AP1S3: variants seen among roughly 807,000 people sequenced by gnomAD.
AP1S3 encodes AP-1 complex subunit sigma-3.
A neutral mutation model predicts 20.9 loss-of-function variants in AP1S3; 10 were observed. The observed-to-expected ratio is 0.48, with a 90% CI of 0.29 to 0.81. The LOEUF (loss-of-function observed/expected upper bound fraction) is 0.81. AP1S3 is among the 30% of genes least tolerant of loss of function. AP1S3 has a pLI of 0.08. For missense variants in AP1S3, 154 were observed against 183.8 expected, an observed-to-expected ratio of 0.84 and a Z score of 0.94; for synonymous variants, 41 against 61.5, an observed-to-expected ratio of 0.67 and a Z score of 1.56.
chr2:223,823,536 G>A (rs1692044646), intron 1 of AP1S3, among the ~76,000 whole-genome samples: 2 of 152,136 alleles, frequency 1.3e-5, no homozygotes, highest in East Asian at 1.9e-4. Flanking sequence ...AAAGAAAGAT[G>A]AAGTCATAGA....
intron 1 of AP1S3, among the ~76,000 whole-genome samples, chr2:223,832,807 CT>C (rs66947467): frequency 0.03 from 3,956 of 129,870 alleles, 71 homozygotes; most frequent in African/African-American, 0.054. Flanking sequence ...TTTCTTTTTT[CT>C]TTTTTTTTTT....
intron 1 of AP1S3, among the ~76,000 whole-genome samples, chr2:223,826,204 T>G (rs1325273296): frequency 6.6e-6 from 1 of 152,176 alleles, no homozygotes. Flanking sequence ...AGACTAGTCC[T>G]GTGTTGTGTT....
chr2:223,791,800 A>G (rs1342804503), intron 1 of AP1S3, among the ~76,000 whole-genome samples: 1 of 152,216 alleles, frequency 6.6e-6, no homozygotes, highest in Non-Finnish European at 1.5e-5. Flanking sequence ...CTCAGCCCAA[A>G]AGCATATTAA....
At chr2:223,820,214 G>A (rs1691954585) in intron 1 of AP1S3, among the ~76,000 whole-genome samples, 1 of 152,060 alleles carries the variant, frequency 6.6e-6, no homozygotes, top group Non-Finnish European at 1.5e-5. Flanking sequence ...ATTGATGTAA[G>A]ATAAAGGTCT....
At position 223,780,308 on chromosome 2, in the gene AP1S3, TAG is replaced by T. The variant is rs527550327; in HGVS notation, c.4-2441_4-2440del. On this transcript the variant is annotated intron_variant, in intron 1 of 4. Coordinates refer to ENST00000396654, the MANE Select transcript of AP1S3 (RefSeq NM_001039569.2). ...ATATATATATATATATATATATATATAGAGAGAGAGAGAGAGAGAGAGAGAGA... is the reference window on the plus strand; with the variant it reads ...ATATATATATATATATATATATATATAGAGAGAGAGAGAGAGAGAGAGAGA... Among the ~76,000 whole-genome samples the T allele has an allele frequency of 7.2e-3, 444 of 61,536 alleles. 9 individuals carry two copies. Among genetic ancestry groups the T allele is most frequent in the African/African-American group, 0.013 (171 of 13,242 alleles). The allele number at this position is 61,536 out of a possible 152,430, so 40.4% of individuals were successfully genotyped here.
At chr2:223,830,478 CAAAA>C (rs11359575) in intron 1 of AP1S3, among the ~76,000 whole-genome samples, 6 of 116,186 alleles carry the variant, frequency 5.2e-5, no homozygotes, top group Non-Finnish European at 3.6e-5. Flanking sequence ...GACTCTCTCT[CAAAA>C]AAAAAAAAAA....
At chr2:223,832,465 G>A (rs1481786969) in intron 1 of AP1S3, among the ~76,000 whole-genome samples, 1 of 152,134 alleles carries the variant, frequency 6.6e-6, no homozygotes, top group African/African-American at 2.4e-5. Flanking sequence ...AAGGGCCAGT[G>A]GAGGAGAGCC....
intron 1 of AP1S3, among the ~76,000 whole-genome samples, chr2:223,801,628 A>G (rs1206703756): frequency 6.6e-6 from 1 of 152,072 alleles, no homozygotes; most frequent in Non-Finnish European, 1.5e-5. Flanking sequence ...TATTTTCAGT[A>G]GAGTGGGGTT....
chr2:223,769,666 A>G (rs1169924231), intron 3 of AP1S3, among the ~76,000 whole-genome samples: 2 of 152,044 alleles, frequency 1.3e-5, no homozygotes, highest in African/African-American at 4.8e-5. Context: ...AAATATGGCA[A>G]GAGCTCTAAG....
chr2:223,813,286 A>G (rs1691775418), intron 1 of AP1S3, among the ~76,000 whole-genome samples: 2 of 152,086 alleles, frequency 1.3e-5, no homozygotes, highest in South Asian at 4.2e-4. Context: ...CAATTTTCCT[A>G]TGACTTTCAA....
intron 4 of AP1S3, among the ~76,000 whole-genome samples, chr2:223,763,435 A>T (rs1690406645): frequency 6.6e-6 from 1 of 152,142 alleles, no homozygotes; most frequent in African/African-American, 2.4e-5. Context: ...ACTCCGTTAA[A>T]AACTCTGTTT....
intron 1 of AP1S3, among the ~76,000 whole-genome samples, chr2:223,801,031 C>T (rs1340806679): frequency 1.3e-5 from 2 of 152,130 alleles, no homozygotes; most frequent in Admixed American, 6.6e-5. Flanking sequence ...AAGCTAAAAC[C>T]CCTACTGTTC....
intron 1 of AP1S3, among the ~76,000 whole-genome samples, chr2:223,781,920 T>C (rs567660831): frequency 6.6e-6 from 1 of 152,282 alleles, no homozygotes; most frequent in East Asian, 1.9e-4. Flanking sequence ...CAGTTTTCCC[T>C]GATTTTATCC....
chr2:223,831,583 G>A (rs2106042129), intron 1 of AP1S3, among the ~76,000 whole-genome samples: 1 of 152,196 alleles, frequency 6.6e-6, no homozygotes, highest in South Asian at 2.1e-4. Context: ...GAGTTTTCCT[G>A]GATACTTCAG....
At chr2:223,824,603 T>C (rs12464156) in intron 1 of AP1S3, among the ~76,000 whole-genome samples, 51,657 of 151,980 alleles carry the variant, frequency 0.34, 9,382 homozygotes, top group Middle Eastern at 0.43. Flanking sequence ...AGTGGCGCTA[T>C]CTCGGCTCAT....
intron 1 of AP1S3, among the ~76,000 whole-genome samples, chr2:223,818,355 T>C (rs1209073499): frequency 6.6e-6 from 1 of 150,804 alleles, no homozygotes; most frequent in African/African-American, 2.4e-5. Flanking sequence ...AGGCAGAGGT[T>C]GCAGTGAGCC....
intron 1 of AP1S3, among the ~76,000 whole-genome samples, chr2:223,804,146 T>C (rs767110039): frequency 2.4e-4 from 36 of 152,248 alleles, no homozygotes; most frequent in Admixed American, 1.1e-3. Flanking sequence ...AACCTCCCAA[T>C]TGATGGCTAG....
intron 1 of AP1S3, among the ~76,000 whole-genome samples, chr2:223,783,854 A>G (rs1306712343): frequency 6.6e-6 from 1 of 152,164 alleles, no homozygotes; most frequent in Non-Finnish European, 1.5e-5. Context: ...TGATTGGCCC[A>G]TGGTTCTGAA....
intron 3 of AP1S3, among the ~76,000 whole-genome samples, chr2:223,774,223 G>A (rs1574692570): frequency 6.6e-6 from 1 of 152,102 alleles, no homozygotes; most frequent in African/African-American, 2.4e-5. Flanking sequence ...AAATGAGCCG[G>A]GCATGGTGGC....
Sources: gnomAD v4.1 joint callset for allele counts (sites outside exome capture counted in the v4.1 genomes callset) on GRCh38, gnomAD v4.1.1 for gene constraint, MANE v1.5 for transcripts, NCBI Gene and HGNC (gene_info 2026-07-23, HGNC 2026-07-21) for gene names.